Variants in DCPS observed in about 807,000 individuals in gnomAD.
DCPS encodes decapping enzyme, scavenger.
Under a neutral mutation model 34.7 loss-of-function variants are expected in DCPS, and 27 were observed. The observed-to-expected ratio is 0.78, with a 90% CI of 0.57 to 1.07. The LOEUF (loss-of-function observed/expected upper bound fraction) is 1.07, where lower values mean the gene tolerates loss of function less well. Ranked by LOEUF, DCPS falls within the 50% of genes least tolerant of loss-of-function variation. The probability of loss-of-function intolerance (pLI) is 0.00; values close to 1 mark genes in which losing one functional copy is unlikely to be tolerated. For synonymous variants in DCPS, 185 were observed against 185.7 expected, an observed-to-expected ratio of 1.00 and a Z score of 0.03; for missense variants, 464 against 436.9, an observed-to-expected ratio of 1.06 and a Z score of -0.55.
chr11:126,304,111 A>G lies in DCPS; in HGVS notation c.31A>G (p.Arg11Gly). MADAAPQLGK[R>G]KRELDVEEAH... ...GGACGCAGCTCCTCAACTAGGCAAG[A>G]GGAAGCGCGAATTGGACGTGGAGGA... Residue 11 changes from arginine (R) to glycine (G), a missense_variant, in exon 1 of 6, where the codon AGG becomes GGG. Arg to Gly is a moderately radical substitution (Grantham distance 125). Transcript: ENST00000263579. The G allele has an allele frequency of 1.2e-6, 2 of 1,613,118 alleles. No homozygotes were observed. Among genetic ancestry groups the G allele is most frequent in the Non-Finnish European group, 8.5e-7 (1 of 1,179,562 alleles).
At position 126,322,409 on chromosome 11, in the gene DCPS, G is replaced by A. The variant is rs985422461; in HGVS notation, c.377-8996G>A. Reference sequence around the variant, plus strand: ...CTCTCTAGTAGCTGGGATTACAGGCGCACACCACCACGCCCGGCTCATTTT... The same window carrying A: ...CTCTCTAGTAGCTGGGATTACAGGCACACACCACCACGCCCGGCTCATTTT... On this transcript the variant is annotated intron_variant, in intron 2 of 5. Coordinates refer to ENST00000263579, the MANE Select transcript of DCPS (RefSeq NM_014026.6). This position sits in a 1 kb window ranked among gnomAD's most constrained non-coding sequence, Gnocchi z 4.2. Among the ~76,000 whole-genome samples the A allele has an allele frequency of 1.3e-5, 2 of 151,848 alleles. No individual in the cohort carries two copies. Among genetic ancestry groups the A allele is most frequent in the African/African-American group, 2.4e-5 (1 of 41,322 alleles).
rs1951904188 is a variant in DCPS at position 126,344,734 on chromosome 11, G to A, written c.748-613G>A. Among the ~76,000 whole-genome samples the A allele has an allele frequency of 6.6e-6, 1 of 152,168 alleles. No homozygotes were observed. The highest frequency in any genetic ancestry group is 1.9e-4 in the East Asian group (1 of 5,188). On this transcript the variant is annotated intron_variant, in intron 5 of 5. Coordinates refer to ENST00000263579, the MANE Select transcript of DCPS (RefSeq NM_014026.6). This position sits in a 1 kb window ranked among gnomAD's most constrained non-coding sequence, Gnocchi z 8.1. ...CCACCCCTGAGCAAGGTGGAGGTGG[G>A]CAAAGGGAGCCAGGGCCAAAGTCAA...
chr11:126,315,058 G>A lies in DCPS; in HGVS notation c.376+8314G>A, dbSNP rs1951647906. 6.6e-6 allele frequency among the ~76,000 whole-genome samples: 1 copy of A among 152,042 alleles called. No individual in the cohort carries two copies. The highest frequency in any genetic ancestry group is 2.4e-5 in the African/African-American group (1 of 41,314). On this transcript the variant is annotated intron_variant, in intron 2 of 5. Transcript: ENST00000263579. This position sits in a 1 kb window ranked among gnomAD's most constrained non-coding sequence, Gnocchi z 6.1. ...ATATGTTCATTGTAGAGCTATTCAT[G>A]ATAGCAAAGACATGGAATCAACCTA...
At chr11:126,343,067 CAAAA>C (rs34804017) in intron 4 of DCPS, among the ~76,000 whole-genome samples, 10 of 102,226 alleles carry the variant, frequency 9.8e-5, no homozygotes, top group Non-Finnish European at 9.8e-5. Context: ...GAGACTCTGT[CAAAA>C]AAAAAAAAAA....
chr11:126,309,238 C>A (rs530962391), intron 2 of DCPS, among the ~76,000 whole-genome samples: 1 of 152,236 alleles, frequency 6.6e-6, no homozygotes, highest in African/African-American at 2.4e-5. Context: ...GTTGGCCAGG[C>A]TGGTCTCGAA....
At chr11:126,321,968 C>A (rs74833849) in intron 2 of DCPS, among the ~76,000 whole-genome samples, 1,872 of 152,172 alleles carry the variant, frequency 0.012, 38 homozygotes, top group African/African-American at 0.043. Context: ...GAAAGTCAGA[C>A]GCTGAATCCA....
At chr11:126,321,706 A>G (rs1448147324) in intron 2 of DCPS, among the ~76,000 whole-genome samples, 1 of 152,166 alleles carries the variant, frequency 6.6e-6, no homozygotes, top group African/African-American at 2.4e-5. Context: ...AGGAAAAGAA[A>G]CCTAGAGGAG....
At chr11:126,343,091 C>T (rs1394150911) in intron 4 of DCPS, among the ~76,000 whole-genome samples, 4 of 145,248 alleles carry the variant, frequency 2.8e-5, no homozygotes, top group Admixed American at 2.7e-4. Context: ...AAAAAAAGGA[C>T]TCTCACATGG....
In DCPS at chr11:126,319,609, C is replaced by T. The variant is rs368767751; in HGVS notation, c.377-11796C>T. On this transcript the variant is annotated intron_variant, in intron 2 of 5. Coordinates refer to ENST00000263579, the MANE Select transcript of DCPS (RefSeq NM_014026.6). This position sits in a 1 kb window ranked among gnomAD's most constrained non-coding sequence, Gnocchi z 4.5. ...CTGACCACACCCCCTGTCTGGACCT[C>T]ACTTGCTCTGGCACCTCATTTTGCC... is the stretch of plus-strand genomic sequence containing the variant. Among the ~76,000 whole-genome samples, 2 of 152,294 alleles carry T rather than the reference C, an allele frequency of 1.3e-5. No individual in the cohort carries two copies. The highest frequency in any genetic ancestry group is 3.9e-4 in the East Asian group (2 of 5,188).
chr11:126,318,163 C>G (rs890525214), intron 2 of DCPS, among the ~76,000 whole-genome samples: 1 of 152,196 alleles, frequency 6.6e-6, no homozygotes, highest in Non-Finnish European at 1.5e-5. Flanking sequence ...GTCTGCCTCT[C>G]CTCTGTCTCT....
rs140062428 is a variant in DCPS, at chr11:126,322,782, C to T, written c.377-8623C>T. On this transcript the variant is annotated intron_variant, in intron 2 of 5. Coordinates refer to ENST00000263579, the MANE Select transcript of DCPS (RefSeq NM_014026.6). This position sits in a 1 kb window ranked among gnomAD's most constrained non-coding sequence, Gnocchi z 4.2. ...TAATTTTTTTTATTTTTAGTAGAGA[C>T]GGGGTTTCACCATGTTGGCCAGTCT... 3.2e-3 allele frequency among the ~76,000 whole-genome samples: 480 copies of T among 151,630 alleles called. 1 individual carries two copies. Among genetic ancestry groups the T allele is most frequent in the African/African-American group, 9.5e-3 (394 of 41,302 alleles).
In DCPS at chr11:126,322,874, T is replaced by C. The variant is rs1951718148; in HGVS notation, c.377-8531T>C. 6.6e-6 allele frequency among the ~76,000 whole-genome samples: 1 copy of C among 152,194 alleles called. No individual in the cohort carries two copies. The highest frequency in any genetic ancestry group is 2.4e-5 in the African/African-American group (1 of 41,436). Reference sequence around the variant, plus strand: ...GACAATGTCTCACTTTGTTGCCAGGTTGGAGTCCAGTGGTACAGTCATAGC... The same window carrying C: ...GACAATGTCTCACTTTGTTGCCAGGCTGGAGTCCAGTGGTACAGTCATAGC... On this transcript the variant is annotated intron_variant, in intron 2 of 5. Transcript: ENST00000263579. The surrounding 1 kb of genome is among the most constrained non-coding windows in gnomAD (Gnocchi z 4.2).
chr11:126,321,637 G>T (rs897523221), intron 2 of DCPS, among the ~76,000 whole-genome samples: 4 of 152,020 alleles, frequency 2.6e-5, no homozygotes, highest in Non-Finnish European at 5.9e-5. Flanking sequence ...GACAGGCAAG[G>T]GTGAGCAGAC....
chr11:126,320,932 G>C lies in DCPS; in HGVS notation c.377-10473G>C, dbSNP rs1289321305. Among the ~76,000 whole-genome samples the C allele has an allele frequency of 6.6e-6, 1 of 152,116 alleles. No individual in the cohort carries two copies. The highest frequency in any genetic ancestry group is 1.5e-5 in the Non-Finnish European group (1 of 68,030). The stretch of plus-strand genomic sequence containing the variant: ...ACTTGCTCCTTCCTTGCCCCAGCAG[G>C]AGAGTAGAGCAGAAATGTCTGGAGA... On this transcript the variant is annotated intron_variant, in intron 2 of 5. Coordinates refer to ENST00000263579, the MANE Select transcript of DCPS (RefSeq NM_014026.6). The surrounding 1 kb of genome is among the most constrained non-coding windows in gnomAD (Gnocchi z 4.7).
chr11:126,324,186 AT>A (rs911008109), intron 2 of DCPS, among the ~76,000 whole-genome samples: 13 of 151,736 alleles, frequency 8.6e-5, no homozygotes, highest in African/African-American at 1.2e-4. Flanking sequence ...CAGTAGCAAA[AT>A]TTTTTTTTAG....
At chr11:126,311,553 G>A (rs879842096) in intron 2 of DCPS, among the ~76,000 whole-genome samples, 8 of 152,230 alleles carry the variant, frequency 5.3e-5, no homozygotes, top group Non-Finnish European at 1.2e-4. Flanking sequence ...TCTCTGCAGT[G>A]GAGCTGACAC....
rs73632723 is a variant in DCPS, at chr11:126,348,258, G to A, written c.*2645G>A. On this transcript the variant is annotated 3_prime_UTR_variant, in exon 6 of 6. Coordinates refer to ENST00000263579, the MANE Select transcript of DCPS (RefSeq NM_014026.6). The surrounding 1 kb of genome is among the most constrained non-coding windows in gnomAD (Gnocchi z 5.3). Reference sequence around the variant, plus strand: ...CTCCCCCGAGGGGCTGGCCAGTTCTGTCTTCCTTCTGCCCACTCTGTGGGG... The same window carrying A: ...CTCCCCCGAGGGGCTGGCCAGTTCTATCTTCCTTCTGCCCACTCTGTGGGG... 0.11 allele frequency among the ~76,000 whole-genome samples: 16,209 copies of A among 152,128 alleles called. 1,209 individuals are homozygous for A. The highest frequency in any genetic ancestry group is 0.22 in the African/African-American group (8,944 of 41,470).
At chr11:126,324,422 C>T (rs924998314) in intron 2 of DCPS, among the ~76,000 whole-genome samples, 14 of 151,184 alleles carry the variant, frequency 9.3e-5, no homozygotes, top group East Asian at 1.9e-4. Flanking sequence ...GGGTGGCAAC[C>T]GGAAGTTCTG....
Position 126,318,662 on chromosome 11 carries a change from A to G in DCPS, c.376+11918A>G, listed in dbSNP as rs182554042. On this transcript the variant is annotated intron_variant, in intron 2 of 5. Transcript: ENST00000263579. ...GGGTGGGCTTCGACTCAGATCATGCATTGCTGTTGCTTCTTCTCAGTGCTC... is the reference window on the plus strand; with the variant it reads ...GGGTGGGCTTCGACTCAGATCATGCGTTGCTGTTGCTTCTTCTCAGTGCTC... Among the ~76,000 whole-genome samples, 19 of 152,260 alleles carry G rather than the reference A, an allele frequency of 1.2e-4. No individual in the cohort carries two copies. The East Asian group carries it at 3.7e-3, about 29-fold the overall frequency.
Sources: gnomAD v4.1 joint callset for allele counts (sites outside exome capture counted in the v4.1 genomes callset) on GRCh38, gnomAD v4.1.1 for gene constraint, Gnocchi (gnomAD v3.1) non-coding constraint, MANE v1.5 for transcripts, NCBI Gene and HGNC (gene_info 2026-07-23, HGNC 2026-07-21) for gene names.